The following WNT4 variants were observed in gnomAD, a reference collection of about 807,000 sequenced individuals.
The protein encoded by WNT4 is Wnt family member 4.
WNT4 carries 16 observed loss-of-function variants against 34.5 expected under a neutral mutation model. The ratio of observed to expected loss-of-function variants is 0.46; its 90% CI spans 0.31 to 0.70. The LOEUF (loss-of-function observed/expected upper bound fraction) is 0.70. Among genes scored for constraint, WNT4 ranks in the 30% least tolerant of loss-of-function variants. The probability of loss-of-function intolerance (pLI) is 0.04; values close to 1 mark genes in which losing one functional copy is unlikely to be tolerated. For missense variants in WNT4, 379 were observed against 495.9 expected, an observed-to-expected ratio of 0.76 and a Z score of 2.24; for synonymous variants, 200 against 211.9, an observed-to-expected ratio of 0.94 and a Z score of 0.49.
intron 2 of WNT4, among the ~76,000 whole-genome samples, chr1:22,129,308 CT>C (rs1397240621): frequency 6.6e-6 from 1 of 152,196 alleles, no homozygotes; most frequent in Admixed American, 6.5e-5. Context: ...CAGTTTCTTC[CT>C]TAATTACCTG....
chr1:22,137,101 T>C lies in WNT4; in HGVS notation c.77+5745A>G, dbSNP rs559580684. Among the ~76,000 whole-genome samples the C allele has an allele frequency of 1.3e-4, 20 of 152,256 alleles. No homozygotes were observed. Among genetic ancestry groups the C allele is most frequent in the African/African-American group, 4.6e-4 (19 of 41,554 alleles). ...ATACATGTGAGCTGTCCGAGGCTCC[T>C]CTCCCCTGGAGGACGCATCCCTTCC... On this transcript the variant is annotated intron_variant, in intron 1 of 4. Coordinates refer to ENST00000290167, the MANE Select transcript of WNT4 (RefSeq NM_030761.5). This position sits in a 1 kb window ranked among gnomAD's most constrained non-coding sequence, Gnocchi z 5.3.
chr1:22,127,896 A>G (rs1441112663), intron 2 of WNT4, among the ~76,000 whole-genome samples: 1 of 152,198 alleles, frequency 6.6e-6, no homozygotes, highest in Non-Finnish European at 1.5e-5. Flanking sequence ...AGGACATTGC[A>G]TATGCAAAGG....
intron 1 of WNT4, among the ~76,000 whole-genome samples, chr1:22,132,006 G>A (rs892781012): frequency 5.3e-5 from 8 of 152,186 alleles, no homozygotes; most frequent in Admixed American, 3.3e-4. Context: ...CCCTGCCTGG[G>A]TGCTCTCCTG....
intron 3 of WNT4, 44 bp from the exon 4 acceptor site, chr1:22,121,397 C>T: frequency 6.2e-7 from 1 of 1,613,898 alleles, no homozygotes; most frequent in Non-Finnish European, 8.5e-7. Context: ...GAGTGAGGGC[C>T]AGGGCCAAGC....
At chr1:22,129,878 G>T in intron 1 of WNT4, 27 bp from the exon 2 acceptor site, 1 of 1,611,136 alleles carries the variant, frequency 6.2e-7, no homozygotes, top group South Asian at 1.1e-5. Context: ...ACGTGATGCA[G>T]AGCCCACCTC....
chr1:22,123,577 A>G (rs2124104541), intron 2 of WNT4, among the ~76,000 whole-genome samples: 1 of 152,324 alleles, frequency 6.6e-6, no homozygotes, highest in Admixed American at 6.5e-5. Flanking sequence ...ACTTGTCCCA[A>G]CAACCCTATG....
intron 2 of WNT4, 46 bp downstream of exon 2, chr1:22,129,570 C>G: frequency 6.3e-7 from 1 of 1,584,628 alleles, no homozygotes; most frequent in Non-Finnish European, 8.6e-7. Context: ...GGGCCCATGC[C>G]CTGGCACCGC....
intron 2 of WNT4, chr1:22,127,126 C>T (rs41266029): frequency 0.024 from 8,999 of 373,534 alleles, 143 homozygotes; most frequent in Non-Finnish European, 0.033. Context: ...GCCTCCTTCT[C>T]CAGGTGTGAC....
At chr1:22,141,636 A>G (rs1222278989) in intron 1 of WNT4, among the ~76,000 whole-genome samples, 1 of 151,760 alleles carries the variant, frequency 6.6e-6, no homozygotes, top group Non-Finnish European at 1.5e-5. Flanking sequence ...CAGCTGGGAG[A>G]ATTCCACATC....
intron 1 of WNT4, among the ~76,000 whole-genome samples, chr1:22,136,960 G>C (rs1646027042): frequency 6.6e-6 from 1 of 152,146 alleles, no homozygotes; most frequent in Admixed American, 6.5e-5. Context: ...TGGGATTTCA[G>C]GGCTTGTGTG....
At chr1:22,132,574 T>C (rs1241545880) in intron 1 of WNT4, among the ~76,000 whole-genome samples, 1 of 152,142 alleles carries the variant, frequency 6.6e-6, no homozygotes, top group Non-Finnish European at 1.5e-5. Flanking sequence ...CTGATAGATG[T>C]GTCTCTGCCA....
intron 2 of WNT4, among the ~76,000 whole-genome samples, chr1:22,123,460 G>A (rs1030071789): frequency 2.0e-5 from 3 of 152,074 alleles, no homozygotes; most frequent in South Asian, 4.1e-4. Context: ...GCTCGGGAGT[G>A]GTCCTGAAGG....
Position 22,142,978 on chromosome 1 carries a change from C to A in WNT4, c.-56G>T. The A allele has an allele frequency of 2.1e-6, 2 of 974,460 alleles. No individual in the cohort carries two copies. The highest frequency in any genetic ancestry group is 4.5e-5 in the South Asian group (1 of 22,222). The allele number at this position is 974,460 out of a possible 1,614,324, so 60.4% of individuals were successfully genotyped here. ...GCGGCTGCGGCCGCGGGGGGCCTCCCGTCGGGGCTGCAGGTGGGCGCCCGC... is the reference window on the plus strand; with the variant it reads ...GCGGCTGCGGCCGCGGGGGGCCTCCAGTCGGGGCTGCAGGTGGGCGCCCGC... On this transcript the variant is annotated 5_prime_UTR_variant, in exon 1 of 5. Coordinates refer to ENST00000290167, the MANE Select transcript of WNT4 (RefSeq NM_030761.5). The surrounding 1 kb of genome is among the most constrained non-coding windows in gnomAD (Gnocchi z 6.0).
chr1:22,122,346 C>T (rs917856263), intron 2 of WNT4, among the ~76,000 whole-genome samples: 44 of 152,076 alleles, frequency 2.9e-4, no homozygotes, highest in African/African-American at 1.0e-3. Flanking sequence ...GTCCCAGTCA[C>T]CCAGCCAGAG....
chr1:22,140,630 G>C lies in WNT4; in HGVS notation c.77+2216C>G, dbSNP rs1237984647. On this transcript the variant is annotated intron_variant, in intron 1 of 4. Coordinates refer to ENST00000290167, the MANE Select transcript of WNT4 (RefSeq NM_030761.5). This position sits in a 1 kb window ranked among gnomAD's most constrained non-coding sequence, Gnocchi z 5.9. ...GCCATTCCTGGCCAGCTGATTGTTCGACAGAGGTTGATAAATATTGGACCA... is the reference window on the plus strand; with the variant it reads ...GCCATTCCTGGCCAGCTGATTGTTCCACAGAGGTTGATAAATATTGGACCA... Among the ~76,000 whole-genome samples the C allele has an allele frequency of 2.0e-5, 3 of 152,274 alleles. No individual in the cohort carries two copies. The South Asian group carries it at 6.2e-4, about 32-fold the overall frequency.
rs556784299 is a variant in WNT4 at position 22,123,318 on chromosome 1, C to T, written c.314-1742G>A. Among the ~76,000 whole-genome samples, 39 of 152,218 alleles carry T rather than the reference C, an allele frequency of 2.6e-4. No homozygotes were observed. In the South Asian group the frequency reaches 8.1e-3, roughly 32 times the overall value. The stretch of plus-strand genomic sequence containing the variant: ...TGATCTCCCCTGTGTACTGGTGGTC[C>T]CTGGGGTGCAGGGCCACCAGGGAGG... On this transcript the variant is annotated intron_variant, in intron 2 of 4. Coordinates refer to ENST00000290167, the MANE Select transcript of WNT4 (RefSeq NM_030761.5).
intron 1 of WNT4, among the ~76,000 whole-genome samples, chr1:22,131,008 G>A (rs911552279): frequency 6.6e-6 from 1 of 152,258 alleles, no homozygotes; most frequent in African/African-American, 2.4e-5. Flanking sequence ...AGGAAACTGA[G>A]GCACAGACAT....
chr1:22,120,012 G>A lies in WNT4; in HGVS notation c.*38C>T, dbSNP rs770652137. Reference sequence around the variant, plus strand: ...TGTTTAAATTATCGGCCTTCCCTGGGCCACTAGGTGGTTGCCGGCGCAGGG... The same window carrying A: ...TGTTTAAATTATCGGCCTTCCCTGGACCACTAGGTGGTTGCCGGCGCAGGG... On this transcript the variant is annotated 3_prime_UTR_variant, in exon 5 of 5. Transcript: ENST00000290167. The A allele has an allele frequency of 1.3e-6, 2 of 1,597,234 alleles. No homozygotes were observed. The highest frequency in any genetic ancestry group is 1.1e-5 in the South Asian group (1 of 90,598).
chr1:22,138,173 G>A (rs1243561609), intron 1 of WNT4, among the ~76,000 whole-genome samples: 2 of 152,240 alleles, frequency 1.3e-5, no homozygotes, highest in African/African-American at 4.8e-5. Context: ...GGGGATGAAA[G>A]CTGTAAAATC....
Sources: allele counts gnomAD v4.1 joint callset (sites outside exome capture counted in the v4.1 genomes callset), GRCh38; gene constraint gnomAD v4.1.1; non-coding constraint Gnocchi (gnomAD v3.1); transcripts MANE v1.5; gene names NCBI Gene and HGNC (gene_info 2026-07-23, HGNC 2026-07-21).